Variants in CAP2 observed in about 807,000 individuals in gnomAD.
The protein encoded by CAP2 is cyclase associated actin cytoskeleton regulatory protein 2.
A neutral mutation model predicts 57.7 loss-of-function variants in CAP2; 24 were observed. The ratio of observed to expected loss-of-function variants is 0.42; its 90% CI spans 0.30 to 0.58. CAP2 has a LOEUF of 0.58. CAP2 is among the 20% of genes least tolerant of loss of function. CAP2 has a pLI of 0.22. For synonymous variants in CAP2, 194 were observed against 207.2 expected, an observed-to-expected ratio of 0.94 and a Z score of 0.55; for missense variants, 501 against 590.3, an observed-to-expected ratio of 0.85 and a Z score of 1.57.
intron 4 of CAP2, among the ~76,000 whole-genome samples, chr6:17,506,025 G>C (rs182700760): frequency 3.9e-5 from 6 of 152,192 alleles, no homozygotes; most frequent in Non-Finnish European, 8.8e-5. Flanking sequence ...CTCCTGAGTA[G>C]CTGGAACTAC....
At chr6:17,425,638 GC>G (rs1759569945) in intron 2 of CAP2, among the ~76,000 whole-genome samples, 1 of 152,246 alleles carries the variant, frequency 6.6e-6, no homozygotes, top group South Asian at 2.1e-4. Flanking sequence ...TGTAACTCTG[GC>G]CCTGTCAGGT....
intron 7 of CAP2, among the ~76,000 whole-genome samples, chr6:17,529,219 A>C (rs1762579177): frequency 6.6e-6 from 1 of 152,264 alleles, no homozygotes; most frequent in Non-Finnish European, 1.5e-5. Context: ...GTGTGCTATA[A>C]ATATGAATGT....
At chr6:17,451,197 G>A (rs762143836) in intron 3 of CAP2, among the ~76,000 whole-genome samples, 2 of 150,728 alleles carry the variant, frequency 1.3e-5, no homozygotes, top group Non-Finnish European at 2.9e-5. Context: ...AGCAGGGTAC[G>A]TTCTGGATTT....
rs1197104013 is a variant in CAP2 at position 17,406,412 on chromosome 6, T to TTTTTTTC, written c.-2+12667_-2+12668insTTTTTCT. Among the ~76,000 whole-genome samples, 20 of 135,266 alleles carry TTTTTTTC rather than the reference T, an allele frequency of 1.5e-4. 2 individuals carry two copies. The highest frequency in any genetic ancestry group is 7.0e-4 in the African/African-American group (19 of 27,020). The allele number at this position is 135,266 out of a possible 152,430, so 88.7% of individuals were successfully genotyped here. A position where few individuals can be genotyped will look rare whatever the true frequency, so the allele number is the denominator to read the frequency against. ...AGCCCAGATTTCTTTTTTTTTTTTT[T>TTTTTTTC]TGAGGCAGTCTCACTCTGTCGCCCA... On this transcript the variant is annotated intron_variant, in intron 1 of 12. Transcript: ENST00000229922.
intron 1 of CAP2, among the ~76,000 whole-genome samples, chr6:17,405,296 C>T (rs928785059): frequency 1.1e-4 from 17 of 151,924 alleles, no homozygotes; most frequent in Admixed American, 3.3e-4. Flanking sequence ...GCAGGAGAAT[C>T]GTGTGAACCC....
chr6:17,396,878 T>G (rs1231975510), intron 1 of CAP2, among the ~76,000 whole-genome samples: 1 of 152,130 alleles, frequency 6.6e-6, no homozygotes, highest in East Asian at 1.9e-4. Flanking sequence ...AAGTACTAGA[T>G]TGTTAGTATC....
chr6:17,504,705 G>T (rs1372866392), intron 4 of CAP2, among the ~76,000 whole-genome samples: 1 of 151,988 alleles, frequency 6.6e-6, no homozygotes, highest in Non-Finnish European at 1.5e-5. Flanking sequence ...ATTTTATTTG[G>T]CAACCCAGTA....
rs1387237626 is a variant in CAP2, at chr6:17,479,048, C to A, written c.300+15975C>A. Among the ~76,000 whole-genome samples the A allele has an allele frequency of 3.3e-5, 5 of 152,308 alleles. No homozygotes were observed. The South Asian group carries it at 6.2e-4, about 19-fold the overall frequency. On this transcript the variant is annotated intron_variant, in intron 4 of 12. Transcript: ENST00000229922. ...AGAAGAGGACTTTCTCAAACCTGGT[C>A]TCTCCCCTGTCAGTTTCATCCGTTC...
intron 3 of CAP2, among the ~76,000 whole-genome samples, chr6:17,454,437 G>A (rs904955691): frequency 2.6e-5 from 4 of 152,244 alleles, no homozygotes; most frequent in African/African-American, 7.2e-5. Flanking sequence ...GAGTAGGGAT[G>A]TGATGAGGCA....
intron 1 of CAP2, among the ~76,000 whole-genome samples, chr6:17,400,021 C>G (rs1296717467): frequency 6.6e-6 from 1 of 151,884 alleles, no homozygotes; most frequent in East Asian, 1.9e-4. Flanking sequence ...GAGATTGAGA[C>G]CATGCTGGCT....
intron 3 of CAP2, among the ~76,000 whole-genome samples, chr6:17,448,967 G>A (rs956989475): frequency 1.3e-5 from 2 of 152,148 alleles, no homozygotes; most frequent in African/African-American, 2.4e-5. Context: ...TCACTATGTT[G>A]GCCAGGCTGG....
intron 2 of CAP2, among the ~76,000 whole-genome samples, chr6:17,424,929 A>G (rs1372518715): frequency 6.6e-6 from 1 of 152,190 alleles, no homozygotes; most frequent in Admixed American, 6.5e-5. Flanking sequence ...TCTGTCTCCA[A>G]ACGGATCCAT....
chr6:17,514,025 A>T, intron 7 of CAP2, 71 bp downstream of exon 7: 1 of 941,998 alleles, frequency 1.1e-6, no homozygotes, highest in Admixed American at 1.8e-5. Flanking sequence ...TGGCCCAGTA[A>T]TCTCACACCT....
Position 17,542,973 on chromosome 6 carries a change from T to A in CAP2, c.1126+13T>A. The A allele has an allele frequency of 6.2e-7, 1 of 1,613,370 alleles. No homozygotes were observed. Among genetic ancestry groups the A allele is most frequent in the South Asian group, 1.1e-5 (1 of 91,020 alleles). On this transcript the variant is annotated intron_variant, in intron 10 of 12. Coordinates refer to ENST00000229922, the MANE Select transcript of CAP2 (RefSeq NM_006366.3). ...TCCATTATAATTGGTAGGGCAGAAT[T>A]ATGGCTCTATGGTTATTATGATGTT...
intron 6 of CAP2, among the ~76,000 whole-genome samples, chr6:17,512,488 A>T (rs2113665866): frequency 6.6e-6 from 1 of 152,322 alleles, no homozygotes; most frequent in African/African-American, 2.4e-5. Flanking sequence ...GTACATACAC[A>T]TATAAACATA....
At chr6:17,453,991 C>T (rs1760484427) in intron 3 of CAP2, among the ~76,000 whole-genome samples, 1 of 137,124 alleles carries the variant, frequency 7.3e-6, no homozygotes, top group South Asian at 2.1e-4. Context: ...CTCAAGCAAC[C>T]CTCCCACCTC....
chr6:17,456,263 C>T (rs2113586618), intron 3 of CAP2, among the ~76,000 whole-genome samples: 1 of 152,292 alleles, frequency 6.6e-6, no homozygotes, highest in African/African-American at 2.4e-5. Context: ...TGATTCAAGC[C>T]TTCTGCGAGG....
intron 7 of CAP2, among the ~76,000 whole-genome samples, chr6:17,535,824 C>G (rs889795247): frequency 3.9e-5 from 6 of 152,100 alleles, no homozygotes; most frequent in African/African-American, 1.4e-4. Context: ...CCAAATTTGT[C>G]TACAGATTGG....
chr6:17,540,411 A>G lies in CAP2; in HGVS notation c.827-562A>G, dbSNP rs532563564. Among the ~76,000 whole-genome samples, 170 of 151,730 alleles carry G rather than the reference A, an allele frequency of 1.1e-3. 1 individual carries two copies. Among genetic ancestry groups the G allele is most frequent in the African/African-American group, 4.0e-3 (164 of 41,346 alleles). The stretch of plus-strand genomic sequence containing the variant: ...TTTGCTCTTTGCAGAATTTTTATCT[A>G]TCATTTTATCTCCCAACAGAAGAGG... On this transcript the variant is annotated intron_variant, in intron 8 of 12. Coordinates refer to ENST00000229922, the MANE Select transcript of CAP2 (RefSeq NM_006366.3).
Sources: gnomAD v4.1 joint callset for allele counts (sites outside exome capture counted in the v4.1 genomes callset) on GRCh38, gnomAD v4.1.1 for gene constraint, MANE v1.5 for transcripts, NCBI Gene and HGNC (gene_info 2026-07-23, HGNC 2026-07-21) for gene names.